Variants in OPRD1 observed in about 807,000 individuals in gnomAD.
The protein encoded by OPRD1 is delta-type opioid receptor.
Under a neutral mutation model 17.5 loss-of-function variants are expected in OPRD1, and 19 were observed. The observed-to-expected ratio is 1.09, with a 90% confidence interval of 0.76 to 1.60. OPRD1 has a LOEUF of 1.60. Among genes scored for constraint, OPRD1 ranks in the 40% most tolerant of loss-of-function variants. The pLI is 0.00. For missense variants in OPRD1, 483 were observed against 547.2 expected (o/e 0.88, Z 1.17); for synonymous variants, 256 against 240.9 (o/e 1.06, Z -0.58).
intron 1 of OPRD1, among the ~76,000 whole-genome samples, chr1:28,854,841 G>A (rs991595751): frequency 3.3e-5 from 5 of 151,960 alleles, no homozygotes; most frequent in Admixed American, 1.3e-4. Context: ...TAGTAGAGAC[G>A]GGGTTTCACC....
At chr1:28,834,567 A>G (rs150094084) in intron 1 of OPRD1, among the ~76,000 whole-genome samples, 87 of 151,412 alleles carry the variant, frequency 5.7e-4, no homozygotes, top group African/African-American at 2.0e-3. Context: ...TTTGATAAAG[A>G]TAAGGTCTCC....
In OPRD1 at chr1:28,863,531, G is replaced by GC. The variant is rs1378217285; in HGVS notation, c.*249dup. 4.6e-6 allele frequency: 2 copies of GC among 437,702 alleles called. No homozygotes were observed. The highest frequency in any genetic ancestry group is 7.9e-6 in the Non-Finnish European group (2 of 253,176). The allele number at this position is 437,702 out of a possible 1,614,324, so 27.1% of individuals were successfully genotyped here. On this transcript the variant is annotated 3_prime_UTR_variant, in exon 3 of 3. Transcript: ENST00000234961. ...CTCTGGTCTGGGTGCCCCGTCCACG[G>GC]CTCTAGGTGGGGCGGGAAAGCCAGT...
At chr1:28,838,956 A>G (rs774325275) in intron 1 of OPRD1, among the ~76,000 whole-genome samples, 3 of 152,010 alleles carry the variant, frequency 2.0e-5, no homozygotes, top group Non-Finnish European at 4.4e-5. Context: ...GCTGAAGTGC[A>G]ATGGCTATTC....
At chr1:28,850,468 C>T (rs1039963104) in intron 1 of OPRD1, among the ~76,000 whole-genome samples, 1 of 152,064 alleles carries the variant, frequency 6.6e-6, no homozygotes, top group African/African-American at 2.4e-5. Context: ...GGATTACAGG[C>T]ACGCTCCACC....
chr1:28,815,217 G>A (rs568975686), intron 1 of OPRD1, among the ~76,000 whole-genome samples: 27 of 152,084 alleles, frequency 1.8e-4, no homozygotes, highest in Non-Finnish European at 2.5e-4. Context: ...GGCTTAATGC[G>A]ATCCTCCCAC....
chr1:28,834,227 C>T (rs204053), intron 1 of OPRD1, among the ~76,000 whole-genome samples: 4,480 of 151,540 alleles, frequency 0.03, 199 homozygotes, highest in African/African-American at 0.1. Flanking sequence ...CCAGTGTGTC[C>T]CCATGACAGT....
chr1:28,839,348 GGAGTTA>G (rs1360173244), intron 1 of OPRD1, among the ~76,000 whole-genome samples: 2 of 152,184 alleles, frequency 1.3e-5, no homozygotes, highest in African/African-American at 2.4e-5. Flanking sequence ...ACTTGTTGCT[GGAGTTA>G]GAGTCCCCCT....
intron 2 of OPRD1, 102 bp from the exon 3 acceptor site, chr1:28,862,640 G>A (rs1199827021): frequency 8.2e-6 from 9 of 1,095,604 alleles, no homozygotes; most frequent in South Asian, 4.8e-5. Flanking sequence ...GGAGGAGGTG[G>A]TGGGACTTGC....
At position 28,869,095 on chromosome 1, in the gene OPRD1, C is replaced by G. The variant is rs960552053; in HGVS notation, c.*5812C>G. On this transcript the variant is annotated 3_prime_UTR_variant, in exon 3 of 3. Transcript: ENST00000234961. Reference sequence around the variant, plus strand: ...CCAAAGCCCCTAGGAAGTGACCACCCCCCATCCCTGGCACCCAGATCCTGG... The same window carrying G: ...CCAAAGCCCCTAGGAAGTGACCACCGCCCATCCCTGGCACCCAGATCCTGG... 6.6e-6 allele frequency: 1 copy of G among 152,388 alleles called. No homozygotes were observed. Among genetic ancestry groups the G allele is most frequent in the African/African-American group, 2.4e-5 (1 of 41,452 alleles). 9.4% of individuals were successfully genotyped at this position (152,388 alleles called of 1,614,324 possible).
At chr1:28,822,219 G>A (rs536963982) in intron 1 of OPRD1, among the ~76,000 whole-genome samples, 1 of 152,142 alleles carries the variant, frequency 6.6e-6, no homozygotes, top group East Asian at 1.9e-4. Flanking sequence ...AAAGTGTTGG[G>A]ATTACAGGTG....
chr1:28,846,846 T>TTTTCTTTCTTTTC (rs2088951755), intron 1 of OPRD1, among the ~76,000 whole-genome samples: 2 of 76,912 alleles, frequency 2.6e-5, no homozygotes, highest in Non-Finnish European at 5.9e-5. Flanking sequence ...TCTTTCTTTC[T>TTTTCTTTCTTTTC]TTTCTTTCTT....
intron 1 of OPRD1, among the ~76,000 whole-genome samples, chr1:28,857,640 G>GTATTAT (rs750701352): frequency 1.3e-5 from 2 of 151,252 alleles, no homozygotes; most frequent in Admixed American, 6.6e-5. Context: ...GCTAATTTTT[G>GTATTAT]TATTATTATT....
chr1:28,862,882 C>T lies in OPRD1; in HGVS notation c.718C>T (p.Leu240=). ...GTGCTATGGCCTCATGCTGCTGCGCCTGCGCAGTGTGCGCCTGCTGTCGGG... is the reference window on the plus strand; with the variant it reads ...GTGCTATGGCCTCATGCTGCTGCGCTTGCGCAGTGTGCGCCTGCTGTCGGG... ...TVCYGLMLLR[L]RSVRLLSGSK... Residue 240 remains leucine, a synonymous_variant, in exon 3 of 3, where the codon CTG becomes TTG. Coordinates refer to ENST00000234961, the MANE Select transcript of OPRD1 (RefSeq NM_000911.4). The T allele has an allele frequency of 6.2e-7, 1 of 1,612,566 alleles. No individual in the cohort carries two copies. Among genetic ancestry groups the T allele is most frequent in the Non-Finnish European group, 8.5e-7 (1 of 1,180,026 alleles).
chr1:28,825,336 T>TGA (rs911726608), intron 1 of OPRD1, among the ~76,000 whole-genome samples: 2 of 152,080 alleles, frequency 1.3e-5, no homozygotes, highest in African/African-American at 4.8e-5. Flanking sequence ...TTTTCCAAAG[T>TGA]GAGAGAGAGG....
chr1:28,839,594 A>T (rs1165266713), intron 1 of OPRD1, among the ~76,000 whole-genome samples: 1 of 152,104 alleles, frequency 6.6e-6, no homozygotes, highest in Non-Finnish European at 1.5e-5. Context: ...GGTCAGTGCG[A>T]CTGGGTGTAG....
chr1:28,813,981 T>A (rs143245723), intron 1 of OPRD1, among the ~76,000 whole-genome samples: 1 of 152,170 alleles, frequency 6.6e-6, no homozygotes, highest in East Asian at 1.9e-4. Flanking sequence ...TGTTGGAGCA[T>A]GGGATGAGGT....
Position 28,867,155 on chromosome 1 carries a change from G to A in OPRD1, c.*3872G>A, listed in dbSNP as rs2089182031. ...CCTGAGAATCTGGGACGACGGGTGT[G>A]TGACACCATGCCCAGCAATTTTATT... On this transcript the variant is annotated 3_prime_UTR_variant, in exon 3 of 3. Transcript: ENST00000234961. 1.3e-5 allele frequency: 2 copies of A among 151,812 alleles called. No individual in the cohort carries two copies. Among genetic ancestry groups the A allele is most frequent in the African/African-American group, 4.8e-5 (2 of 41,312 alleles). 9.4% of individuals were successfully genotyped at this position (151,812 alleles called of 1,614,324 possible).
At chr1:28,858,305 G>T (rs2089077379) in intron 1 of OPRD1, among the ~76,000 whole-genome samples, 1 of 139,666 alleles carries the variant, frequency 7.2e-6, no homozygotes, top group South Asian at 2.3e-4. Flanking sequence ...TAGTAGAGAG[G>T]GGGTTTCACC....
chr1:28,824,300 CTTTTTCT>C (rs1190426641), intron 1 of OPRD1, among the ~76,000 whole-genome samples: 8 of 141,166 alleles, frequency 5.7e-5, no homozygotes, highest in Admixed American at 2.9e-4. Flanking sequence ...GATGATGGTT[CTTTTTCT>C]TTTTTCTTTT....
Sources: gnomAD v4.1 joint callset for allele counts (sites outside exome capture counted in the v4.1 genomes callset) on GRCh38, gnomAD v4.1.1 for gene constraint, MANE v1.5 for transcripts, NCBI Gene and HGNC (gene_info 2026-07-23, HGNC 2026-07-21) for gene names.